Variants in PRKCE observed in about 807,000 individuals in gnomAD.
PRKCE encodes protein kinase C epsilon type.
A neutral mutation model predicts 85.4 loss-of-function variants in PRKCE; 16 were observed. The observed-to-expected ratio is 0.19, with a 90% confidence interval of 0.13 to 0.28. The LOEUF is 0.28. Ranked by LOEUF, PRKCE falls within the 10% of genes least tolerant of loss-of-function variation. PRKCE has a pLI of 1.00. For synonymous variants in PRKCE, 388 were observed against 371.5 expected, an observed-to-expected ratio of 1.04 and a Z score of -0.51; for missense variants, 573 against 975.2, an observed-to-expected ratio of 0.59 and a Z score of 5.49.
Position 45,762,178 on chromosome 2 carries a change from G to A in PRKCE, c.349-80822G>A, listed in dbSNP as rs150224490. Among the ~76,000 whole-genome samples, 801 of 152,312 alleles carry A rather than the reference G, an allele frequency of 5.3e-3. 8 individuals carry two copies. Among genetic ancestry groups the A allele is most frequent in the African/African-American group, 0.018 (749 of 41,570 alleles). The stretch of plus-strand genomic sequence containing the variant: ...ATCAATGGAAGAGAAGGAGAAGCAT[G>A]GCATTTTGTCAAGCTCTCTTACTTC... On this transcript the variant is annotated intron_variant, in intron 1 of 14. Coordinates refer to ENST00000306156, the MANE Select transcript of PRKCE (RefSeq NM_005400.3).
intron 1 of PRKCE, among the ~76,000 whole-genome samples, chr2:45,731,534 C>G (rs897285400): frequency 6.6e-6 from 1 of 151,758 alleles, no homozygotes; most frequent in Non-Finnish European, 1.5e-5. Flanking sequence ...GAAAGAGACT[C>G]AGAGACATTA....
chr2:45,823,736 T>C lies in PRKCE; in HGVS notation c.349-19264T>C, dbSNP rs574121561. ...TTCCAGTGTTCCATACCTGTGCCTC[T>C]GGCTGATTTCCCAGGTTGTTCCCTG... is the stretch of plus-strand genomic sequence containing the variant. On this transcript the variant is annotated intron_variant, in intron 1 of 14. Transcript: ENST00000306156. Among the ~76,000 whole-genome samples, 50 of 152,362 alleles carry C rather than the reference T, an allele frequency of 3.3e-4. 1 individual carries two copies. The South Asian group carries it at 9.7e-3, about 30-fold the overall frequency.
chr2:45,945,962 A>C (rs1700217152), intron 2 of PRKCE, among the ~76,000 whole-genome samples: 1 of 152,252 alleles, frequency 6.6e-6, no homozygotes, highest in South Asian at 2.1e-4. Flanking sequence ...TAGTGATGAT[A>C]AACCAAAAAA....
intron 1 of PRKCE, among the ~76,000 whole-genome samples, chr2:45,759,409 C>A (rs574003706): frequency 6.6e-6 from 1 of 152,158 alleles, no homozygotes; most frequent in Non-Finnish European, 1.5e-5. Context: ...TTATCCATGT[C>A]GGTGCAGGGC....
chr2:45,971,562 T>C (rs554549410), intron 2 of PRKCE, among the ~76,000 whole-genome samples: 16 of 152,212 alleles, frequency 1.1e-4, no homozygotes, highest in South Asian at 2.1e-4. Context: ...GTAACCAGGG[T>C]TGAAGACAGT....
chr2:46,093,958 C>A (rs111530250), intron 11 of PRKCE, among the ~76,000 whole-genome samples: 96 of 152,142 alleles, frequency 6.3e-4, no homozygotes, highest in African/African-American at 2.2e-3. Context: ...CTTCCCAGTG[C>A]ATTTTTTTTG....
chr2:45,768,645 A>C (rs7588440), intron 1 of PRKCE, among the ~76,000 whole-genome samples: 29,890 of 152,102 alleles, frequency 0.2, 5,747 homozygotes, highest in African/African-American at 0.5. Context: ...CCAGACAGAG[A>C]ATGGATATTG....
chr2:45,911,265 T>A (rs144994246), intron 2 of PRKCE, among the ~76,000 whole-genome samples: 131 of 152,358 alleles, frequency 8.6e-4, no homozygotes, highest in Non-Finnish European at 8.4e-4. Flanking sequence ...GACACCTGTC[T>A]AGCCCCACTG....
intron 1 of PRKCE, among the ~76,000 whole-genome samples, chr2:45,700,250 C>A (rs945390827): frequency 6.6e-6 from 1 of 151,664 alleles, no homozygotes; most frequent in African/African-American, 2.4e-5. Context: ...TTGCAGCACT[C>A]GAAGTCTGAT....
rs143144025 is a variant in PRKCE, at chr2:46,037,902, A to G, written c.1437+27385A>G. Among the ~76,000 whole-genome samples, 842 of 152,334 alleles carry G rather than the reference A, an allele frequency of 5.5e-3. 11 individuals are homozygous for G. The highest frequency in any genetic ancestry group is 0.041 in the South Asian group (197 of 4,824). On this transcript the variant is annotated intron_variant, in intron 10 of 14. Transcript: ENST00000306156. ...GTGCTGGTTGGTTGTCGTTGGGCAA[A>G]TGACTGAAACTCCTTGATGCTTATT...
chr2:45,660,980 GA>G (rs1675609290), intron 1 of PRKCE, among the ~76,000 whole-genome samples: 12 of 152,132 alleles, frequency 7.9e-5, no homozygotes, highest in Admixed American at 7.9e-4. Context: ...GGAAGAGGAG[GA>G]AAAACAGAAG....
intron 11 of PRKCE, among the ~76,000 whole-genome samples, chr2:46,099,207 A>C (rs570367807): frequency 6.6e-6 from 1 of 152,012 alleles, no homozygotes; most frequent in Non-Finnish European, 1.5e-5. Flanking sequence ...ACTCAAAGCC[A>C]CCCATAAGCT....
intron 1 of PRKCE, among the ~76,000 whole-genome samples, chr2:45,716,786 T>C (rs543582538): frequency 5.3e-4 from 81 of 152,100 alleles, no homozygotes; most frequent in African/African-American, 1.9e-3. Context: ...AGAGGTTTAA[T>C]TGACTCACAG....
intron 1 of PRKCE, among the ~76,000 whole-genome samples, chr2:45,823,742 A>G (rs890256187): frequency 2.6e-5 from 4 of 152,166 alleles, no homozygotes; most frequent in Admixed American, 2.6e-4. Context: ...CCTCTGGCTG[A>G]TTTCCCAGGT....
At chr2:45,839,557 T>C (rs1199699287) in intron 1 of PRKCE, among the ~76,000 whole-genome samples, 2 of 152,238 alleles carry the variant, frequency 1.3e-5, no homozygotes, top group African/African-American at 2.4e-5. Context: ...TGGGAGGAGG[T>C]AGCGAGTCTG....
intron 10 of PRKCE, among the ~76,000 whole-genome samples, chr2:46,063,185 G>T (rs1667313655): frequency 6.6e-6 from 1 of 152,120 alleles, no homozygotes; most frequent in Non-Finnish European, 1.5e-5. Context: ...AATAGCAACT[G>T]GTTATTATGT....
intron 1 of PRKCE, among the ~76,000 whole-genome samples, chr2:45,769,332 C>T (rs1223626661): frequency 6.6e-6 from 1 of 152,256 alleles, no homozygotes; most frequent in Non-Finnish European, 1.5e-5. Flanking sequence ...TTTTTTCTTA[C>T]ACCCCTTTTG....
chr2:45,768,558 A>C (rs917187393), intron 1 of PRKCE, among the ~76,000 whole-genome samples: 4 of 152,194 alleles, frequency 2.6e-5, no homozygotes, highest in Non-Finnish European at 5.9e-5. Context: ...GGGGAGAGTT[A>C]GGAGGGGACA....
chr2:45,753,831 C>A (rs1354450856), intron 1 of PRKCE, among the ~76,000 whole-genome samples: 2 of 152,158 alleles, frequency 1.3e-5, no homozygotes, highest in Non-Finnish European at 2.9e-5. Flanking sequence ...TCCAGGCATC[C>A]TAACATTCCC....
Sources: allele counts gnomAD v4.1 joint callset (sites outside exome capture counted in the v4.1 genomes callset), GRCh38; gene constraint gnomAD v4.1.1; transcripts MANE v1.5; gene names NCBI Gene and HGNC (gene_info 2026-07-23, HGNC 2026-07-21).